The following XYLB variants were observed in gnomAD, a reference collection of about 807,000 sequenced individuals.
XYLB encodes the protein xylulokinase.
A neutral mutation model predicts 78.7 loss-of-function variants in XYLB; 62 were observed. The observed-to-expected ratio is 0.79, with a 90% confidence interval of 0.64 to 0.97. XYLB has a LOEUF of 0.97. XYLB is among the 50% of genes least tolerant of loss of function. The pLI is 0.00. For synonymous variants in XYLB, 245 were observed against 247.4 expected (o/e 0.99, Z 0.09); for missense variants, 687 against 676.8 (o/e 1.02, Z -0.17).
intron 6 of XYLB, 125 bp downstream of exon 6, chr3:38,365,861 C>T: frequency 7.2e-7 from 1 of 1,392,038 alleles, no homozygotes; most frequent in East Asian, 2.6e-5. Flanking sequence ...GCAACAGGCA[C>T]TCTGGCCCCT....
intron 15 of XYLB, among the ~76,000 whole-genome samples, chr3:38,392,540 A>G (rs1403844066): frequency 6.6e-6 from 1 of 151,788 alleles, no homozygotes; most frequent in Non-Finnish European, 1.5e-5. Flanking sequence ...CAGGTGATAC[A>G]CCCGTCTCGG....
the XYLB span, among the ~76,000 whole-genome samples, chr3:38,443,010 C>G: frequency 6.6e-6 from 1 of 152,094 alleles, no homozygotes; most frequent in Non-Finnish European, 1.5e-5. Context: ...ATATGTCCCT[C>G]CCTAATAAGG....
At chr3:38,392,431 G>C (rs1707699633) in intron 15 of XYLB, among the ~76,000 whole-genome samples, 1 of 152,066 alleles carries the variant, frequency 6.6e-6, no homozygotes, top group Non-Finnish European at 1.5e-5. Context: ...CTGAATAACT[G>C]GGATTACAGG....
At chr3:38,360,618 T>TTCCAGGTAGC (rs1301453857) in intron 3 of XYLB, among the ~76,000 whole-genome samples, 15 of 152,226 alleles carry the variant, frequency 9.9e-5, no homozygotes, top group African/African-American at 3.6e-4. Flanking sequence ...TACAAAAAAC[T>TTCCAGGTAGC]TCCAGGTACT....
chr3:38,368,268 G>C lies in XYLB; in HGVS notation c.646+11G>C. 1 of 1,613,898 alleles carries C rather than the reference G, an allele frequency of 6.2e-7. No homozygotes were observed. The highest frequency in any genetic ancestry group is 8.5e-7 in the Non-Finnish European group (1 of 1,179,808). Reference sequence around the variant, plus strand: ...TTGACTACAGTGATGGTGAGCCTCGGGGTATGGGGTGGGTGCCTGGGCAGT... The same window carrying C: ...TTGACTACAGTGATGGTGAGCCTCGCGGTATGGGGTGGGTGCCTGGGCAGT... On this transcript the variant is annotated intron_variant, in intron 8 of 18. Coordinates refer to ENST00000207870, the MANE Select transcript of XYLB (RefSeq NM_005108.4).
chr3:38,393,532 A>T (rs1069267), intron 15 of XYLB, among the ~76,000 whole-genome samples: 63,755 of 152,056 alleles, frequency 0.42, 15,793 homozygotes, highest in Non-Finnish European at 0.56. Context: ...GTAGTATGTC[A>T]GTATTAGTTG....
chr3:38,375,410 A>T, intron 12 of XYLB, 151 bp downstream of exon 12: 1 of 679,774 alleles, frequency 1.5e-6, no homozygotes, highest in East Asian at 2.7e-5. Context: ...ACCCCCAAGG[A>T]CTCACCAGCT....
the XYLB span, among the ~76,000 whole-genome samples, chr3:38,439,261 C>A: frequency 6.6e-6 from 1 of 152,174 alleles, no homozygotes; most frequent in African/African-American, 2.4e-5. Flanking sequence ...TGGGTTGGTC[C>A]AGGGGTCCTC....
chr3:38,421,992 G>A (rs561059294), downstream of XYLB, among the ~76,000 whole-genome samples: 1 of 152,290 alleles, frequency 6.6e-6, no homozygotes, highest in Admixed American at 6.5e-5. Context: ...GCAGTTTCCT[G>A]TTAGAATACA....
chr3:38,398,480 A>G (rs536727615), intron 17 of XYLB, among the ~76,000 whole-genome samples: 1 of 151,886 alleles, frequency 6.6e-6, no homozygotes, highest in Non-Finnish European at 1.5e-5. Context: ...AAAACAAAAA[A>G]AAATAATTAA....
intron 15 of XYLB, among the ~76,000 whole-genome samples, chr3:38,383,262 G>A (rs1360218449): frequency 6.6e-6 from 1 of 152,190 alleles, no homozygotes; most frequent in Non-Finnish European, 1.5e-5. Flanking sequence ...GCAGAGCTGG[G>A]ATCTGAACCA....
intron 15 of XYLB, among the ~76,000 whole-genome samples, chr3:38,390,775 G>T (rs1269339649): frequency 1.3e-5 from 2 of 152,124 alleles, no homozygotes; most frequent in African/African-American, 4.8e-5. Context: ...TCCTGCCTTG[G>T]CCTACTGAAG....
downstream of XYLB, among the ~76,000 whole-genome samples, chr3:38,418,156 CTG>C (rs1708859877): frequency 1.4e-5 from 2 of 142,748 alleles, no homozygotes; most frequent in South Asian, 4.3e-4. Flanking sequence ...GATGGCAGCA[CTG>C]TACTCCAGCC....
Position 38,397,156 on chromosome 3 carries a change from C to T in XYLB, c.1435C>T (p.His479Tyr), listed in dbSNP as rs921064557. ...ACVGSAYRAF[H>Y]GLAGGTDVPF... is the part of the protein sequence containing the mutation. ...TGTGGGTTCTGCATACCGAGCTTTT[C>T]ATGGTAGGTTGATGGAGGGAGACAG... Residue 479 changes from histidine (H) to tyrosine (Y), a missense_variant, in exon 17 of 19, where the codon CAT (histidine) becomes TAT (tyrosine). Coordinates refer to ENST00000207870, the MANE Select transcript of XYLB (RefSeq NM_005108.4). 2 of 1,614,050 alleles carry T rather than the reference C, an allele frequency of 1.2e-6. No individual in the cohort carries two copies. The highest frequency in any genetic ancestry group is 2.7e-5 in the African/African-American group (2 of 75,028).
intron 15 of XYLB, among the ~76,000 whole-genome samples, chr3:38,388,169 G>GTTTTTTTTTTTTTTTTTTT (rs71085320): frequency 9.1e-6 from 1 of 109,342 alleles, no homozygotes; most frequent in African/African-American, 3.2e-5. Flanking sequence ...GTTTTTTTTT[G>GTTTTTTTTTTTTTTTTTTT]TTTTTTTTTT....
Position 38,412,977 on chromosome 3 carries a change from G to C in XYLB, c.1575G>C (p.Gln525His). The C allele has an allele frequency of 6.2e-7, 1 of 1,604,874 alleles. No homozygotes were observed. The highest frequency in any genetic ancestry group is 8.5e-7 in the Non-Finnish European group (1 of 1,176,540). The change falls in exon 19 of 19, where the codon CAG (glutamine) becomes CAC (histidine). Residue 525 changes from glutamine (Q) to histidine (H), a missense_variant. By Grantham distance (24) the Gln-to-His change is conservative (BLOSUM62 0). Transcript: ENST00000207870. ...TCCCCCAGTATGCCAAACTCGAGCA[G>C]AGAATCTTGTCTCAGACCCGGGGGC... Reference protein sequence around the residue: ...ALLPQYAKLEQRILSQTRGPP... With the variant: ...ALLPQYAKLEHRILSQTRGPP...
intron 2 of XYLB, among the ~76,000 whole-genome samples, chr3:38,359,439 T>C (rs756347462): frequency 1.1e-4 from 17 of 152,102 alleles, no homozygotes; most frequent in Non-Finnish European, 2.5e-4. Flanking sequence ...AAGGCCTGTT[T>C]ATGACAGGCT....
chr3:38,423,318 C>T (rs1709036567), downstream of XYLB, among the ~76,000 whole-genome samples: 1 of 152,146 alleles, frequency 6.6e-6, no homozygotes. Flanking sequence ...GTGATCCACC[C>T]ACCTTGGCCT....
At chr3:38,363,934 TTCC>T (rs2125578252) in intron 4 of XYLB, among the ~76,000 whole-genome samples, 1 of 152,334 alleles carries the variant, frequency 6.6e-6, no homozygotes, top group African/African-American at 2.4e-5. Flanking sequence ...AAGATGCTTC[TTCC>T]TCCATGACCT....
Sources: gnomAD v4.1 joint callset for allele counts (sites outside exome capture counted in the v4.1 genomes callset) on GRCh38, gnomAD v4.1.1 for gene constraint, MANE v1.5 for transcripts, NCBI Gene and HGNC (gene_info 2026-07-23, HGNC 2026-07-21) for gene names.